Variants in RIPK1 observed in about 807,000 individuals in gnomAD.
The protein encoded by RIPK1 is receptor-interacting serine/threonine-protein kinase 1.
RIPK1 carries 27 observed loss-of-function variants against 62.4 expected under a neutral mutation model. The observed-to-expected ratio is 0.43, with a 90% confidence interval of 0.32 to 0.60. The LOEUF (loss-of-function observed/expected upper bound fraction) is 0.60, where lower values mean the gene tolerates loss of function less well. Among genes scored for constraint, RIPK1 ranks in the 20% least tolerant of loss-of-function variants. The probability of loss-of-function intolerance (pLI) is 0.07; values close to 1 mark genes in which losing one functional copy is unlikely to be tolerated. For synonymous variants in RIPK1, 287 were observed against 303.2 expected (o/e 0.95, Z 0.55); for missense variants, 735 against 831.0 (o/e 0.88, Z 1.42).
Position 3,113,430 on chromosome 6 carries a change from C to A in RIPK1, c.*91C>A. 8.0e-7 allele frequency: 1 copy of A among 1,254,366 alleles called. No individual in the cohort carries two copies. Among genetic ancestry groups the A allele is most frequent in the South Asian group, 1.5e-5 (1 of 67,666 alleles). 77.7% of individuals were successfully genotyped at this position (1,254,366 alleles called of 1,614,324 possible). ...GCCTCAGAGCATTCAGAATTCTGTC[C>A]TCACTGATAGGGGTTCTGTGTCTGC... On this transcript the variant is annotated 3_prime_UTR_variant, in exon 11 of 11. Coordinates refer to ENST00000259808, the MANE Select transcript of RIPK1 (RefSeq NM_001354930.2). This position sits in a 1 kb window ranked among gnomAD's most constrained non-coding sequence, Gnocchi z 5.0.
intron 10 of RIPK1, among the ~76,000 whole-genome samples, chr6:3,111,388 A>C (rs1761148274): frequency 6.6e-6 from 1 of 152,206 alleles, no homozygotes; most frequent in Non-Finnish European, 1.5e-5. Context: ...CAAGAGGGCT[A>C]TCTCTTATAG....
Position 3,089,640 on chromosome 6 carries a change from G to T in RIPK1, c.898G>T (p.Asp300Tyr). 6.3e-7 allele frequency: 1 copy of T among 1,581,024 alleles called. No homozygotes were observed. The highest frequency in any genetic ancestry group is 8.7e-7 in the Non-Finnish European group (1 of 1,154,090). ...TCAATTAGAAGAAAGTGTAGAAGAG[G>T]ACGTGAAGAGTTTAAAGGTAGGCAA... Reference protein sequence around the residue: ...LSQLEESVEEDVKSLKKEYSN... With the variant: ...LSQLEESVEEYVKSLKKEYSN... Residue 300 changes from aspartate (D) to tyrosine (Y), a missense_variant, in exon 7 of 11, where the codon GAC becomes TAC. Asp to Tyr is a radical substitution (Grantham distance 160, BLOSUM62 -3). This residue lies in a region of RIPK1 where 671 missense variants were observed against 726.2 expected (regional missense o/e 0.92). Coordinates refer to ENST00000259808, the MANE Select transcript of RIPK1 (RefSeq NM_001354930.2).
Position 3,072,352 on chromosome 6 carries a change from A to G in RIPK1, c.-61+3691A>G, listed in dbSNP as rs1003474371. Among the ~76,000 whole-genome samples the G allele has an allele frequency of 2.6e-5, 4 of 151,596 alleles. No individual in the cohort carries two copies. Among genetic ancestry groups the G allele is most frequent in the African/African-American group, 7.3e-5 (3 of 41,164 alleles). ...TCCTTGTTAACATTTTGGTGTCTTT[A>G]TGTCTTTTTTATCTGTACTTATATC... On this transcript the variant is annotated intron_variant, in intron 1 of 10. Coordinates refer to ENST00000259808, the MANE Select transcript of RIPK1 (RefSeq NM_001354930.2). This position sits in a 1 kb window ranked among gnomAD's most constrained non-coding sequence, Gnocchi z 5.6.
intron 6 of RIPK1, among the ~76,000 whole-genome samples, chr6:3,087,891 T>A (rs1759814839): frequency 6.6e-6 from 1 of 152,232 alleles, no homozygotes; most frequent in Non-Finnish European, 1.5e-5. Flanking sequence ...CTAAAATTTA[T>A]ATTCTCCCCT....
intron 4 of RIPK1, among the ~76,000 whole-genome samples, chr6:3,081,958 C>T (rs190131406): frequency 4.0e-4 from 56 of 139,982 alleles, no homozygotes; most frequent in Non-Finnish European, 6.5e-4. Context: ...TATTTGTATT[C>T]GATTGTTTAC....
chr6:3,066,809 C>G (rs1410482918), upstream of RIPK1, among the ~76,000 whole-genome samples: 3 of 152,162 alleles, frequency 2.0e-5, no homozygotes, highest in East Asian at 5.8e-4. Flanking sequence ...ATTCAAGATA[C>G]ATTTGACAAA....
rs115582037 is a variant in RIPK1, at chr6:3,074,324, T to C, written c.-60-2440T>C. 7.5e-4 allele frequency among the ~76,000 whole-genome samples: 115 copies of C among 152,356 alleles called. 1 individual carries two copies. The highest frequency in any genetic ancestry group is 1.5e-3 in the Non-Finnish European group (100 of 68,036). The stretch of plus-strand genomic sequence containing the variant: ...TTTTGTATAAGGCGACTTTCACTTA[T>C]CACGTTTTTGCATTTCGTTCATGCG... On this transcript the variant is annotated intron_variant, in intron 1 of 10. Coordinates refer to ENST00000259808, the MANE Select transcript of RIPK1 (RefSeq NM_001354930.2).
At chr6:3,064,586 C>T (rs1222091324), upstream of RIPK1, among the ~76,000 whole-genome samples, 1 of 152,126 alleles carries the variant, frequency 6.6e-6, no homozygotes, top group Non-Finnish European at 1.5e-5. Context: ...GCAGAGCCTG[C>T]GGTCTGTGGG....
chr6:3,067,184 C>CA (rs750194024), upstream of RIPK1, among the ~76,000 whole-genome samples: 1 of 147,292 alleles, frequency 6.8e-6, no homozygotes, highest in Non-Finnish European at 1.5e-5. Context: ...CAAGTTTTGG[C>CA]AATTATGAAT....
intron 1 of RIPK1, among the ~76,000 whole-genome samples, chr6:3,069,809 G>A (rs1005651345): frequency 6.6e-6 from 1 of 152,172 alleles, no homozygotes; most frequent in Admixed American, 6.5e-5. Context: ...TCAGGAGTTC[G>A]AGACCAGCCT....
At chr6:3,107,205 T>G (rs1364645041) in intron 9 of RIPK1, among the ~76,000 whole-genome samples, 3 of 149,302 alleles carry the variant, frequency 2.0e-5, no homozygotes, top group Non-Finnish European at 4.4e-5. Context: ...TGAGCTGAGA[T>G]CATGCCACTG....
At chr6:3,079,508 C>T (rs2113588908) in intron 3 of RIPK1, among the ~76,000 whole-genome samples, 1 of 152,302 alleles carries the variant, frequency 6.6e-6, no homozygotes, top group East Asian at 1.9e-4. Context: ...AATTAGAGAA[C>T]AAGTGTTCTA....
At chr6:3,070,081 GT>G (rs1489462014) in intron 1 of RIPK1, among the ~76,000 whole-genome samples, 3 of 152,146 alleles carry the variant, frequency 2.0e-5, no homozygotes, top group African/African-American at 7.2e-5. Flanking sequence ...GACTAGGCTT[GT>G]TTAAAATGAA....
At chr6:3,089,771 A>G (rs1010472372) in intron 7 of RIPK1, 114 bp downstream of exon 7, 5 of 664,854 alleles carry the variant, frequency 7.5e-6, no homozygotes, top group African/African-American at 1.8e-5. Context: ...TAGCTTGGTA[A>G]ACATATAAAA....
At chr6:3,064,419 TTCTG>T (rs571615071), upstream of RIPK1, among the ~76,000 whole-genome samples, 1 of 152,228 alleles carries the variant, frequency 6.6e-6, no homozygotes, top group South Asian at 2.1e-4. Flanking sequence ...CTGGTTCTTC[TTCTG>T]TCTTTCAAAG....
upstream of RIPK1, among the ~76,000 whole-genome samples, chr6:3,065,301 T>C (rs1758333846): frequency 6.8e-6 from 1 of 147,198 alleles, no homozygotes; most frequent in African/African-American, 2.6e-5. Context: ...AGACACGGCT[T>C]TCTGAGGTGC....
At chr6:3,085,747 G>GTC (rs1191113857) in intron 6 of RIPK1, among the ~76,000 whole-genome samples, 1 of 152,054 alleles carries the variant, frequency 6.6e-6, no homozygotes, top group Non-Finnish European at 1.5e-5. Flanking sequence ...ACTTTCCATC[G>GTC]TCTCTCTCCC....
intron 7 of RIPK1, 35 bp downstream of exon 7, chr6:3,089,692 T>G (rs917573335): frequency 2.8e-6 from 3 of 1,074,070 alleles, no homozygotes; most frequent in Non-Finnish European, 2.8e-6. Context: ...AATATTAACA[T>G]AGCAAAATAT....
chr6:3,068,620 G>A lies in RIPK1; in HGVS notation c.-102G>A, dbSNP rs1264289015. The stretch of plus-strand genomic sequence containing the variant: ...CATCCGGGCGGGGCCGACGGAGCGC[G>A]GCAGGACTTGGCTGGACGGCGCGGC... On this transcript the variant is annotated 5_prime_UTR_variant, in exon 1 of 11. Transcript: ENST00000259808. 1.0e-5 allele frequency: 10 copies of A among 985,148 alleles called. No homozygotes were observed. Among genetic ancestry groups the A allele is most frequent in the South Asian group, 4.7e-5 (1 of 21,286 alleles). The allele number at this position is 985,148 out of a possible 1,614,324, so 61.0% of individuals were successfully genotyped here.
Sources: gnomAD v4.1 joint callset for allele counts (sites outside exome capture counted in the v4.1 genomes callset) on GRCh38, gnomAD v4.1.1 for gene constraint, gnomAD v4.1.1 regional missense constraint, Gnocchi (gnomAD v3.1) non-coding constraint, MANE v1.5 for transcripts, NCBI Gene and HGNC (gene_info 2026-07-23, HGNC 2026-07-21) for gene names.